DNAJC3: variants seen among roughly 807,000 people sequenced by gnomAD.
The protein encoded by DNAJC3 is DnaJ heat shock protein family (Hsp40) member C3.
Under a neutral mutation model 68.6 loss-of-function variants are expected in DNAJC3, and 38 were observed. The ratio of observed to expected loss-of-function variants is 0.55; its 90% CI spans 0.43 to 0.73. The LOEUF (loss-of-function observed/expected upper bound fraction) is 0.73. Ranked by LOEUF, DNAJC3 falls within the 30% of genes least tolerant of loss-of-function variation. The pLI, the probability that DNAJC3 is intolerant of heterozygous loss-of-function variation, is 0.00. For missense variants in DNAJC3, 526 were observed against 591.9 expected (o/e 0.89, Z 1.16); for synonymous variants, 203 against 204.0 (o/e 1.00, Z 0.04).
At chr13:95,716,274 C>T (rs531852895) in intron 2 of DNAJC3, among the ~76,000 whole-genome samples, 56 of 152,334 alleles carry the variant, frequency 3.7e-4, no homozygotes, top group African/African-American at 1.1e-3. Flanking sequence ...CTTCTGTCTT[C>T]GGGGCCCCAC....
rs1593953270 is a variant in DNAJC3 at position 95,690,884 on chromosome 13, A to C, written c.82+13547A>C. Among the ~76,000 whole-genome samples, 3 of 126,634 alleles carry C rather than the reference A, an allele frequency of 2.4e-5. No individual in the cohort carries two copies. The South Asian group carries it at 7.9e-4, about 33-fold the overall frequency. 83.1% of individuals were successfully genotyped at this position (126,634 alleles called of 152,430 possible). A position where few individuals can be genotyped will look rare whatever the true frequency, so the allele number is the denominator to read the frequency against. ...GGGCGGCCGGGCAGAGGCGCCCCTCACTTCCCAGACGGGGCGGCTGGCCGG... is the reference window on the plus strand; with the variant it reads ...GGGCGGCCGGGCAGAGGCGCCCCTCCCTTCCCAGACGGGGCGGCTGGCCGG... On this transcript the variant is annotated intron_variant, in intron 1 of 11. Transcript: ENST00000602402.
intron 1 of DNAJC3, among the ~76,000 whole-genome samples, chr13:95,690,608 CGGG>C (rs1880206857): frequency 1.4e-5 from 2 of 147,334 alleles, no homozygotes; most frequent in Middle Eastern, 3.6e-3. Flanking sequence ...ACTGGCCAGG[CGGG>C]GGGCTGACCC....
chr13:95,688,541 A>G (rs1246446361), intron 1 of DNAJC3, among the ~76,000 whole-genome samples: 1 of 149,186 alleles, frequency 6.7e-6, no homozygotes, highest in African/African-American at 2.5e-5. Context: ...TTTGAGACAG[A>G]GTGTTACATT....
At chr13:95,744,730 A>C (rs1421841143) in intron 4 of DNAJC3, 3 of 152,238 alleles carry the variant, frequency 2.0e-5, no homozygotes, top group African/African-American at 7.2e-5. Flanking sequence ...AATTTTAAGC[A>C]TTCGGAACCT....
chr13:95,750,533 G>T (rs1450223931), intron 4 of DNAJC3, among the ~76,000 whole-genome samples: 5 of 149,566 alleles, frequency 3.3e-5, no homozygotes, highest in Non-Finnish European at 5.9e-5. Context: ...TTTTTGAGAT[G>T]GAGTTTTGGT....
At chr13:95,769,244 G>A (rs1464486551) in intron 9 of DNAJC3, among the ~76,000 whole-genome samples, 3 of 152,276 alleles carry the variant, frequency 2.0e-5, no homozygotes, top group Middle Eastern at 3.4e-3. Flanking sequence ...AGCCTATGAG[G>A]GAGGTACTGG....
chr13:95,707,206 G>A (rs1484969833), intron 1 of DNAJC3, among the ~76,000 whole-genome samples: 2 of 152,184 alleles, frequency 1.3e-5, no homozygotes, highest in Admixed American at 1.3e-4. Context: ...TGATCTGACA[G>A]GAAGCAGAGC....
At chr13:95,731,367 G>C (rs1881703783) in intron 4 of DNAJC3, among the ~76,000 whole-genome samples, 3 of 152,158 alleles carry the variant, frequency 2.0e-5, no homozygotes, top group Admixed American at 6.5e-5. Flanking sequence ...GAGCATCTTT[G>C]TCTTGTTTCA....
At chr13:95,718,456 C>T (rs1881220470) in intron 2 of DNAJC3, among the ~76,000 whole-genome samples, 1 of 152,210 alleles carries the variant, frequency 6.6e-6, no homozygotes, top group African/African-American at 2.4e-5. Flanking sequence ...TGCTGGAGTG[C>T]AGTGGTATGA....
chr13:95,789,218 GT>G (rs2139700852), intron 11 of DNAJC3, among the ~76,000 whole-genome samples: 2 of 152,072 alleles, frequency 1.3e-5, no homozygotes, highest in South Asian at 4.1e-4. Flanking sequence ...GTAAATGTGT[GT>G]TATGGGGGTT....
At chr13:95,711,054 A>G (rs753624065) in intron 2 of DNAJC3, among the ~76,000 whole-genome samples, 3 of 152,176 alleles carry the variant, frequency 2.0e-5, no homozygotes, top group African/African-American at 4.8e-5. Context: ...GTTGTAATTT[A>G]CTATATAAAC....
chr13:95,733,062 G>C (rs920631861), intron 4 of DNAJC3, among the ~76,000 whole-genome samples: 1 of 152,132 alleles, frequency 6.6e-6, no homozygotes, highest in Non-Finnish European at 1.5e-5. Context: ...ATATACGTCT[G>C]TCCTTGAGAA....
In DNAJC3 at chr13:95,733,292, G is replaced by A. The variant is rs61975184; in HGVS notation, c.393+8040G>A. On this transcript the variant is annotated intron_variant, in intron 4 of 11. Transcript: ENST00000602402. ...TTTCCTTTTATATCTAATAATATTT[G>A]CCTTAACATATGTGGGTGCTCCAGT... Among the ~76,000 whole-genome samples, 508 of 152,170 alleles carry A rather than the reference G, an allele frequency of 3.3e-3. 1 individual carries two copies. The highest frequency in any genetic ancestry group is 5.8e-3 in the Non-Finnish European group (394 of 67,996).
At chr13:95,677,475 G>A in intron 1 of DNAJC3, 138 bp downstream of exon 1, 1 of 858,460 alleles carries the variant, frequency 1.2e-6, no homozygotes, top group Non-Finnish European at 1.7e-6. Context: ...GCCTGGCTTG[G>A]GCCTGAGCCC....
chr13:95,740,814 A>G (rs988659617), intron 4 of DNAJC3, among the ~76,000 whole-genome samples: 6 of 152,216 alleles, frequency 3.9e-5, no homozygotes, highest in Non-Finnish European at 7.3e-5. Flanking sequence ...AGCTGTTCCT[A>G]TTCGGCCATC....
chr13:95,723,225 A>G lies in DNAJC3; in HGVS notation c.194-17A>G, dbSNP rs1566484352. The G allele has an allele frequency of 2.5e-6, 4 of 1,572,712 alleles. No homozygotes were observed. Among genetic ancestry groups the G allele is most frequent in the Non-Finnish European group, 3.5e-6 (4 of 1,157,924 alleles). On this transcript the variant is annotated splice_polypyrimidine_tract_variant and intron_variant, in intron 2 of 11. Coordinates refer to ENST00000602402, the MANE Select transcript of DNAJC3 (RefSeq NM_006260.5). ...TTTGAATAAATGACTAAGAGGTAAT[A>G]TTATTTTAATTTTCAGATGGTGACC...
chr13:95,721,252 G>A (rs78590281), intron 2 of DNAJC3, among the ~76,000 whole-genome samples: 1,967 of 152,160 alleles, frequency 0.013, 51 homozygotes, highest in African/African-American at 0.046. Flanking sequence ...TTCTCTGTAA[G>A]GCTGAATGAA....
rs1882436269 is a variant in DNAJC3, at chr13:95,750,306, T to C, written c.394-7338T>C. Among the ~76,000 whole-genome samples the C allele has an allele frequency of 2.0e-5, 3 of 150,160 alleles. No individual in the cohort carries two copies. The East Asian group carries it at 5.9e-4, about 29-fold the overall frequency. On this transcript the variant is annotated intron_variant, in intron 4 of 11. Transcript: ENST00000602402. ...AAAACCCAGAAAACAAACCCCACAG[T>C]TTACTCCTGTATAGAAGGGAGATAA...
chr13:95,791,808 G>A lies in DNAJC3; in HGVS notation c.*778G>A, dbSNP rs571684392. 6.6e-6 allele frequency: 1 copy of A among 152,282 alleles called. No homozygotes were observed. The highest frequency in any genetic ancestry group is 1.9e-4 in the East Asian group (1 of 5,190). 9.4% of individuals were successfully genotyped at this position (152,282 alleles called of 1,614,324 possible). A position where few individuals can be genotyped will look rare whatever the true frequency, so the allele number is the denominator to read the frequency against. Reference sequence around the variant, plus strand: ...AATAAGTTCAGATAAAATAGTGGTGGTATTTAAAATAATATTGCTGAAGTG... The same window carrying A: ...AATAAGTTCAGATAAAATAGTGGTGATATTTAAAATAATATTGCTGAAGTG... On this transcript the variant is annotated 3_prime_UTR_variant, in exon 12 of 12. Transcript: ENST00000602402.
Sources: gnomAD v4.1 joint callset for allele counts (sites outside exome capture counted in the v4.1 genomes callset) on GRCh38, gnomAD v4.1.1 for gene constraint, MANE v1.5 for transcripts, NCBI Gene and HGNC (gene_info 2026-07-23, HGNC 2026-07-21) for gene names.